MYO9B: variants seen among roughly 807,000 people sequenced by gnomAD.
MYO9B encodes the protein myosin IXB.
MYO9B carries 71 observed loss-of-function variants against 229.5 expected under a neutral mutation model. The ratio of observed to expected loss-of-function variants is 0.31; its 90% CI spans 0.26 to 0.38. The LOEUF is 0.38. MYO9B is among the 10% of genes least tolerant of loss of function. The pLI is 1.00. For missense variants in MYO9B, 2,255 were observed against 2,920.5 expected, an observed-to-expected ratio of 0.77 and a Z score of 5.25; for synonymous variants, 1,185 against 1,235.8, an observed-to-expected ratio of 0.96 and a Z score of 0.86.
chr19:17,094,015 TTTG>T lies in MYO9B; in HGVS notation c.-58-7609_-58-7607del, dbSNP rs141113380. On this transcript the variant is annotated intron_variant, in intron 1 of 39. Transcript: ENST00000682292. ...GTAGGCATGAGCCACTGCAGCTGGC[TTTG>T]TTGTTGTTGTTGTTGTTGTTGTTGT... Among the ~76,000 whole-genome samples the T allele has an allele frequency of 9.3e-4, 138 of 148,622 alleles. 2 individuals are homozygous for T. Among genetic ancestry groups the T allele is most frequent in the Middle Eastern group, 3.4e-3 (1 of 294 alleles).
At chr19:17,190,009 G>A (rs1443065237) in intron 19 of MYO9B, among the ~76,000 whole-genome samples, 1 of 149,110 alleles carries the variant, frequency 6.7e-6, no homozygotes, top group East Asian at 2.0e-4. Flanking sequence ...AGCTTGCAGT[G>A]AGCCAAGATT....
At position 17,194,816 on chromosome 19, in the gene MYO9B, A is replaced by G; in HGVS notation, c.3389A>G (p.Gln1130Arg). Residue 1130 changes from glutamine (Q) to arginine (R), a missense_variant, in exon 22 of 40, where the codon CAG (glutamine) becomes CGG (arginine). Gln to Arg is a conservative substitution (Grantham distance 43, BLOSUM62 1). Coordinates refer to ENST00000682292, the MANE Select transcript of MYO9B (RefSeq NM_004145.4). ...AGCCCAGAGAAGACTCTCCCACCCC[A>G]GAAAACCGTGGCGGCTGAAAGTCAC... The part of the protein sequence containing the change: ...APSPEKTLPP[Q>R]KTVAAESHEK... The G allele has an allele frequency of 6.2e-7, 1 of 1,613,372 alleles. No individual in the cohort carries two copies. The highest frequency in any genetic ancestry group is 8.5e-7 in the Non-Finnish European group (1 of 1,179,888).
intron 6 of MYO9B, among the ~76,000 whole-genome samples, chr19:17,155,515 T>A (rs1201836559): frequency 6.6e-6 from 1 of 152,152 alleles, no homozygotes; most frequent in Non-Finnish European, 1.5e-5. Context: ...TGGTGGCTCA[T>A]GCCTGTTATC....
chr19:17,104,571 G>A (rs4808567), intron 2 of MYO9B, among the ~76,000 whole-genome samples: 21,987 of 152,072 alleles, frequency 0.14, 1,914 homozygotes, highest in Non-Finnish European at 0.2. Context: ...TCTGGGTGTG[G>A]GATCTGCCTT....
At chr19:17,118,725 C>T (rs912504576) in intron 2 of MYO9B, among the ~76,000 whole-genome samples, 1 of 152,054 alleles carries the variant, frequency 6.6e-6, no homozygotes, top group Non-Finnish European at 1.5e-5. Context: ...TCAGGTGATC[C>T]GCCCACCTTG....
At chr19:17,208,968 C>T (rs538797272) in intron 35 of MYO9B, among the ~76,000 whole-genome samples, 20 of 146,746 alleles carry the variant, frequency 1.4e-4, no homozygotes, top group Non-Finnish European at 2.7e-4. Flanking sequence ...GTCCCTCTGG[C>T]ACTGAACACT....
chr19:17,163,148 T>A, intron 10 of MYO9B, 26 bp downstream of exon 10: 1 of 1,545,306 alleles, frequency 6.5e-7, no homozygotes, highest in Non-Finnish European at 8.7e-7. Context: ...TTTTGTCAAT[T>A]TTTTGAACTT....
chr19:17,159,991 CAGCCTGTGAGTCTCA>C (rs1262677373), intron 8 of MYO9B, among the ~76,000 whole-genome samples: 5 of 152,278 alleles, frequency 3.3e-5, no homozygotes, highest in Admixed American at 1.3e-4. Context: ...ATGTAACTCC[CAGCCTGTGAGTCTCA>C]AGCCTGTGAC....
At chr19:17,097,363 C>T (rs2057703265) in intron 1 of MYO9B, among the ~76,000 whole-genome samples, 1 of 150,776 alleles carries the variant, frequency 6.6e-6, no homozygotes, top group East Asian at 1.9e-4. Context: ...CCCTGTTGCT[C>T]AAGCTGTATC....
intron 19 of MYO9B, among the ~76,000 whole-genome samples, chr19:17,190,170 T>C (rs535783187): frequency 6.6e-6 from 1 of 151,920 alleles, no homozygotes; most frequent in South Asian, 2.1e-4. Flanking sequence ...TGCACCCAGC[T>C]GAGAACCCAT....
At chr19:17,210,255 G>A (rs1162446952) in intron 36 of MYO9B, 78 bp from the exon 37 acceptor site, 58 of 1,411,844 alleles carry the variant, frequency 4.1e-5, no homozygotes, top group African/African-American at 1.6e-4. Context: ...TCTTGGTACC[G>A]GTCATTGGAT....
intron 6 of MYO9B, among the ~76,000 whole-genome samples, chr19:17,155,773 C>T (rs550574292): frequency 1.3e-5 from 2 of 151,310 alleles, no homozygotes; most frequent in South Asian, 4.2e-4. Flanking sequence ...AATCCCAGCA[C>T]TTTGGGAGGC....
chr19:17,185,985 G>A lies in MYO9B; in HGVS notation c.2561G>A (p.Arg854His), dbSNP rs751118118. Reference protein sequence around the residue: ...KAEPFFIRCIRSNAEKKELCF... With the variant: ...KAEPFFIRCIHSNAEKKELCF... ...GAGCCCTTCTTTATCCGCTGCATCC[G>A]TTCCAATGCTGAAAAGGTGAGTTTC... is the stretch of plus-strand genomic sequence containing the variant. Residue 854 changes from arginine to histidine, a missense_variant, in exon 18 of 40, where the codon CGT becomes CAT. Arg to His is a conservative substitution (Grantham distance 29). Coordinates refer to ENST00000682292, the MANE Select transcript of MYO9B (RefSeq NM_004145.4). 2.5e-6 allele frequency: 4 copies of A among 1,613,766 alleles called. No homozygotes were observed. Among genetic ancestry groups the A allele is most frequent in the Non-Finnish European group, 2.5e-6 (3 of 1,179,742 alleles).
At chr19:17,143,202 G>GTC (rs1489339362) in intron 2 of MYO9B, among the ~76,000 whole-genome samples, 2 of 151,398 alleles carry the variant, frequency 1.3e-5, no homozygotes, top group Non-Finnish European at 2.9e-5. Flanking sequence ...TCGTGCCATT[G>GTC]TACCCCAGCC....
At position 17,127,171 on chromosome 19, in the gene MYO9B, C is replaced by A. The variant is rs867263490; in HGVS notation, c.841-18226C>A. On this transcript the variant is annotated intron_variant, in intron 2 of 39. Transcript: ENST00000682292. Reference sequence around the variant, plus strand: ...GGACTACAGGTGCACACCACCACGCCCGGCTAATTTCATTTGTAGTTTGGT... The same window carrying A: ...GGACTACAGGTGCACACCACCACGCACGGCTAATTTCATTTGTAGTTTGGT... Among the ~76,000 whole-genome samples the A allele has an allele frequency of 5.4e-5, 8 of 147,444 alleles. No homozygotes were observed. The South Asian group carries it at 1.1e-3, about 20-fold the overall frequency.
intron 34 of MYO9B, 126 bp downstream of exon 34, chr19:17,206,910 T>TG (rs2073168670): frequency 1.7e-6 from 2 of 1,207,090 alleles, no homozygotes; most frequent in South Asian, 2.6e-5. Context: ...AGACCACTGT[T>TG]GGGGGTTCTG....
chr19:17,112,479 G>A (rs2057856910), intron 2 of MYO9B, among the ~76,000 whole-genome samples: 1 of 152,242 alleles, frequency 6.6e-6, no homozygotes, highest in Non-Finnish European at 1.5e-5. Flanking sequence ...ACTCGGGCAG[G>A]AGCGTTTGCA....
At chr19:17,183,955 A>T in intron 16 of MYO9B, 87 bp downstream of exon 16, 2 of 1,292,246 alleles carry the variant, frequency 1.5e-6, no homozygotes, top group Non-Finnish European at 2.1e-6. Context: ...CTGCAACTTC[A>T]TTTCCTCCTC....
At chr19:17,192,687 G>C in intron 20 of MYO9B, 59 bp from the exon 21 acceptor site, 1 of 1,440,374 alleles carries the variant, frequency 6.9e-7, no homozygotes, top group East Asian at 2.5e-5. Flanking sequence ...AGACCTCCCA[G>C]GCACAGAGAT....
Sources: gnomAD v4.1 joint callset for allele counts (sites outside exome capture counted in the v4.1 genomes callset) on GRCh38, gnomAD v4.1.1 for gene constraint, MANE v1.5 for transcripts, NCBI Gene and HGNC (gene_info 2026-07-23, HGNC 2026-07-21) for gene names.